The following ROBO1 variants were observed in gnomAD, a reference collection of about 807,000 sequenced individuals.
ROBO1 encodes roundabout guidance receptor 1.
ROBO1 carries 149 observed loss-of-function variants against 195.9 expected under a neutral mutation model. The observed-to-expected ratio is 0.76, with a 90% confidence interval of 0.67 to 0.87. The LOEUF (loss-of-function observed/expected upper bound fraction) is 0.87. Among genes scored for constraint, ROBO1 ranks in the 40% least tolerant of loss-of-function variants. The pLI, the probability that ROBO1 is intolerant of heterozygous loss-of-function variation, is 0.00. For synonymous variants in ROBO1, 816 were observed against 733.2 expected, an observed-to-expected ratio of 1.11 and a Z score of -1.82; for missense variants, 1,933 against 2,068.3, an observed-to-expected ratio of 0.93 and a Z score of 1.27.
chr3:79,421,609 A>G (rs2038228392), intron 2 of ROBO1, among the ~76,000 whole-genome samples: 1 of 152,144 alleles, frequency 6.6e-6, no homozygotes, highest in African/African-American at 2.4e-5. Flanking sequence ...AGGACTACTT[A>G]GCTCAAATAC....
At chr3:79,484,831 G>A (rs13067046) in intron 2 of ROBO1, among the ~76,000 whole-genome samples, 31,746 of 137,132 alleles carry the variant, frequency 0.23, 4,072 homozygotes, top group African/African-American at 0.35. Flanking sequence ...TCGGCTCACT[G>A]CAAGCTCTAT....
intron 2 of ROBO1, among the ~76,000 whole-genome samples, chr3:79,177,614 A>C (rs2081279827): frequency 6.6e-6 from 1 of 152,244 alleles, no homozygotes; most frequent in African/African-American, 2.4e-5. Context: ...ACTCAGAAGA[A>C]ATCTAAGCCA....
chr3:78,904,527 C>T (rs760201173), intron 4 of ROBO1, among the ~76,000 whole-genome samples: 86 of 151,906 alleles, frequency 5.7e-4, no homozygotes, highest in Non-Finnish European at 1.0e-3. Context: ...ACTCCAGTTG[C>T]ATTTATGTCC....
At chr3:78,695,485 C>G (rs1187312662) in intron 8 of ROBO1, among the ~76,000 whole-genome samples, 3 of 151,666 alleles carry the variant, frequency 2.0e-5, no homozygotes, top group African/African-American at 7.3e-5. Flanking sequence ...GTTACCCAGG[C>G]GCGGTGGCAC....
intron 4 of ROBO1, among the ~76,000 whole-genome samples, chr3:78,805,858 T>C (rs1055738135): frequency 6.6e-6 from 1 of 152,144 alleles, no homozygotes; most frequent in African/African-American, 2.4e-5. Flanking sequence ...TTTTAGCCAG[T>C]GATACATTTG....
intron 4 of ROBO1, among the ~76,000 whole-genome samples, chr3:78,926,847 C>T (rs1440232863): frequency 6.6e-6 from 1 of 152,126 alleles, no homozygotes; most frequent in Non-Finnish European, 1.5e-5. Flanking sequence ...CATATAAAGC[C>T]ACTATACATT....
At chr3:78,726,118 G>A (rs774817898) in intron 5 of ROBO1, among the ~76,000 whole-genome samples, 50 of 151,990 alleles carry the variant, frequency 3.3e-4, no homozygotes, top group Non-Finnish European at 6.0e-4. Flanking sequence ...TATATTAAGG[G>A]CTTCAAAGAT....
intron 2 of ROBO1, among the ~76,000 whole-genome samples, chr3:79,384,612 A>G (rs1316829945): frequency 3.3e-5 from 5 of 152,030 alleles, no homozygotes; most frequent in Admixed American, 6.6e-5. Flanking sequence ...TTCAAACAAT[A>G]AAGTTGAGTT....
intron 1 of ROBO1, among the ~76,000 whole-genome samples, chr3:79,670,305 T>C (rs1946595145): frequency 6.6e-6 from 1 of 151,840 alleles, no homozygotes; most frequent in African/African-American, 2.4e-5. Context: ...GTGCATAAAA[T>C]AGATTTAAAC....
At chr3:78,853,630 G>C (rs143155518) in intron 4 of ROBO1, among the ~76,000 whole-genome samples, 66 of 152,048 alleles carry the variant, frequency 4.3e-4, no homozygotes, top group African/African-American at 1.6e-3. Context: ...TAGACTTTGA[G>C]TAAGGCAAAT....
At chr3:79,018,612 C>T (rs2078017895) in intron 3 of ROBO1, 2 of 1,460,020 alleles carry the variant, frequency 1.4e-6, no homozygotes, top group Non-Finnish European at 1.8e-6. Flanking sequence ...AATTACTCGT[C>T]GACCTTTCCG....
intron 2 of ROBO1, among the ~76,000 whole-genome samples, chr3:79,368,602 T>C (rs184282317): frequency 1.3e-5 from 2 of 152,044 alleles, no homozygotes; most frequent in African/African-American, 2.4e-5. Flanking sequence ...AACCAGACTT[T>C]CCCTAACCAC....
At chr3:79,167,261 G>T (rs2081083321) in intron 2 of ROBO1, among the ~76,000 whole-genome samples, 1 of 151,670 alleles carries the variant, frequency 6.6e-6, no homozygotes, top group Non-Finnish European at 1.5e-5. Context: ...TAAAATTTTT[G>T]TGTTTTTTTG....
intron 1 of ROBO1, among the ~76,000 whole-genome samples, chr3:79,718,076 TTAGA>T (rs1355066096): frequency 2.0e-5 from 3 of 152,016 alleles, no homozygotes; most frequent in Admixed American, 6.5e-5. Context: ...GGGATTGTAG[TTAGA>T]CAAAAAGAAG....
rs565573538 is a variant in ROBO1, at chr3:79,370,789, T to C, written c.88+219035A>G. ...ACCTACCACCCCATCATCTAGGTTT[T>C]AAGCCCTGCATGCATTACATATTTG... On this transcript the variant is annotated intron_variant, in intron 2 of 30. Transcript: ENST00000464233. Among the ~76,000 whole-genome samples the C allele has an allele frequency of 3.1e-3, 468 of 152,222 alleles. 3 individuals carry two copies. Among genetic ancestry groups the C allele is most frequent in the African/African-American group, 0.011 (449 of 41,540 alleles).
rs920228344 is a variant in ROBO1 at position 78,635,926 on chromosome 3, C to T, written c.3220G>A (p.Ala1074Thr). The T allele has an allele frequency of 6.8e-6, 11 of 1,613,844 alleles. No individual in the cohort carries two copies. Among genetic ancestry groups the T allele is most frequent in the East Asian group, 2.2e-5 (1 of 44,858 alleles). Residue 1074 changes from alanine to threonine, a missense_variant, in exon 23 of 31, where the codon GCC becomes ACC. This residue lies in a region of ROBO1 where 1,737 missense variants were observed against 1,882.5 expected (regional missense o/e 0.92). Transcript: ENST00000464233. The part of the protein sequence containing the change: ...VNPSGQPTPY[A>T]TTQLIQSNLS... The stretch of plus-strand genomic sequence containing the variant: ...TTTGACTGGATGAGCTGAGTGGTGG[C>T]GTAAGGAGTAGGCTGCCCTGATGGA...
At chr3:79,211,826 G>A (rs1022114963) in intron 2 of ROBO1, among the ~76,000 whole-genome samples, 31 of 152,154 alleles carry the variant, frequency 2.0e-4, no homozygotes, top group African/African-American at 6.5e-4. Flanking sequence ...TGCGCTGGAG[G>A]AATTAAAGAC....
chr3:79,284,594 G>C (rs1408372470), intron 2 of ROBO1, among the ~76,000 whole-genome samples: 1 of 152,068 alleles, frequency 6.6e-6, no homozygotes, highest in Non-Finnish European at 1.5e-5. Flanking sequence ...CTTAATTTTG[G>C]TAATTGTTGT....
intron 1 of ROBO1, among the ~76,000 whole-genome samples, chr3:79,623,455 A>C (rs1349678114): frequency 6.6e-6 from 1 of 152,202 alleles, no homozygotes; most frequent in African/African-American, 2.4e-5. Context: ...CATTGATAAA[A>C]TGTTAGAGGA....
Sources: allele counts gnomAD v4.1 joint callset (sites outside exome capture counted in the v4.1 genomes callset), GRCh38; gene constraint gnomAD v4.1.1; regional missense constraint gnomAD v4.1.1; transcripts MANE v1.5; gene names NCBI Gene and HGNC (gene_info 2026-07-23, HGNC 2026-07-21).